Variants in SEL1L2 observed in about 807,000 individuals in gnomAD.
SEL1L2 encodes SEL1L2 adaptor subunit of SYVN1 ubiquitin ligase.
SEL1L2 carries 89 observed loss-of-function variants against 98.8 expected under a neutral mutation model. The observed-to-expected ratio is 0.90, with a 90% CI of 0.76 to 1.07. The LOEUF is 1.07. SEL1L2 is among the 50% of genes least tolerant of loss of function. SEL1L2 has a pLI of 0.00. For missense variants in SEL1L2, 788 were observed against 812.0 expected (o/e 0.97, Z 0.36); for synonymous variants, 262 against 278.5 (o/e 0.94, Z 0.59).
intron 1 of SEL1L2, among the ~76,000 whole-genome samples, chr20:13,974,431 T>C (rs1334571661): frequency 3.3e-5 from 5 of 151,038 alleles, no homozygotes; most frequent in African/African-American, 1.2e-4. Context: ...ACTGCTAGGC[T>C]GCTCCTACTG....
chr20:13,987,396 A>G (rs2052273501), intron 1 of SEL1L2, among the ~76,000 whole-genome samples: 1 of 147,172 alleles, frequency 6.8e-6, no homozygotes, highest in Non-Finnish European at 1.5e-5. Flanking sequence ...CCCAGGCTGG[A>G]GTGCAGTGGT....
chr20:13,964,104 G>C (rs1399940134), intron 1 of SEL1L2, among the ~76,000 whole-genome samples: 1 of 151,964 alleles, frequency 6.6e-6, no homozygotes, highest in African/African-American at 2.4e-5. Flanking sequence ...TTGAACTCCT[G>C]ACCTCATGAT....
At chr20:13,985,797 C>A (rs1042017357) in intron 1 of SEL1L2, among the ~76,000 whole-genome samples, 1 of 152,182 alleles carries the variant, frequency 6.6e-6, no homozygotes, top group Non-Finnish European at 1.5e-5. Flanking sequence ...ACCCCTTAGT[C>A]ATCATTCCCC....
chr20:13,859,539 G>A, intron 17 of SEL1L2, 105 bp from the exon 18 acceptor site: 1 of 982,674 alleles, frequency 1.0e-6, no homozygotes, highest in Admixed American at 2.7e-5. Context: ...AAATATATAT[G>A]TATCTATAGC....
At chr20:13,955,136 G>A (rs867606889) in intron 2 of SEL1L2, among the ~76,000 whole-genome samples, 1 of 152,090 alleles carries the variant, frequency 6.6e-6, no homozygotes, top group Non-Finnish European at 1.5e-5. Flanking sequence ...TAACAGCAAT[G>A]AACACCACAA....
chr20:13,862,926 G>A (rs1990406763), intron 17 of SEL1L2, among the ~76,000 whole-genome samples: 5 of 151,908 alleles, frequency 3.3e-5, no homozygotes, highest in African/African-American at 1.2e-4. Context: ...TGAACTATTG[G>A]TCTCAAGCAA....
intron 5 of SEL1L2, among the ~76,000 whole-genome samples, chr20:13,906,264 A>C (rs941683230): frequency 2.6e-5 from 4 of 152,218 alleles, no homozygotes; most frequent in Admixed American, 6.5e-5. Context: ...TAGAGTTCAG[A>C]GTTAAGTTCA....
chr20:13,981,404 A>T lies in SEL1L2; in HGVS notation c.58+9073T>A, dbSNP rs935531268. Among the ~76,000 whole-genome samples, 8 of 152,236 alleles carry T rather than the reference A, an allele frequency of 5.3e-5. No homozygotes were observed. The East Asian group carries it at 1.5e-3, about 29-fold the overall frequency. ...TTGCACAGCATGGTGACTATAGTTA[A>T]TAACGTATTCTGTATTTCAAAATTA... On this transcript the variant is annotated intron_variant, in intron 1 of 19. Transcript: ENST00000284951.
intron 5 of SEL1L2, among the ~76,000 whole-genome samples, chr20:13,911,966 C>T (rs2048223045): frequency 6.6e-6 from 1 of 152,102 alleles, no homozygotes; most frequent in South Asian, 2.1e-4. Context: ...TAAGTGTCTT[C>T]CCACATTATT....
intron 18 of SEL1L2, among the ~76,000 whole-genome samples, chr20:13,856,600 A>T (rs1022341103): frequency 1.3e-5 from 2 of 152,114 alleles, no homozygotes; most frequent in Non-Finnish European, 2.9e-5. Flanking sequence ...TGAGACAAGG[A>T]GCTCACTGGC....
At position 13,870,202 on chromosome 20, in the gene SEL1L2, C is replaced by G. The variant is rs569791808; in HGVS notation, c.1106G>C (p.Gly369Ala). 1 of 1,607,986 alleles carries G rather than the reference C, an allele frequency of 6.2e-7. No homozygotes were observed. The highest frequency in any genetic ancestry group is 8.5e-7 in the Non-Finnish European group (1 of 1,176,568). ...FKYFSMAASK[G>A]NAIGLHGLGL... ...AAGCCCATGAAGGCCGATTGCATTG[C>G]CCTAGAAGAGTTTTATAAAGCCAAG... is the stretch of plus-strand genomic sequence containing the variant. Residue 369 changes from glycine to alanine, a missense_variant and splice_region_variant, in exon 13 of 20, where the codon GGC (glycine) becomes GCC (alanine). Physicochemically the swap from Gly to Ala is moderately conservative, Grantham distance 60. Transcript: ENST00000284951.
At chr20:13,913,707 C>CA in intron 5 of SEL1L2, 75 bp downstream of exon 5, 1 of 1,307,500 alleles carries the variant, frequency 7.6e-7, no homozygotes, top group Non-Finnish European at 1.0e-6. Flanking sequence ...TACTATTGCT[C>CA]AACTCCTTTC....
At position 13,905,611 on chromosome 20, in the gene SEL1L2, G is replaced by T. The variant is rs190870566; in HGVS notation, c.549+8171C>A. ...TTACAGGTGTAAGCCACCATGCCTG[G>T]CCTGTCCTATACCTTAATACTTGAG... On this transcript the variant is annotated intron_variant, in intron 5 of 19. Coordinates refer to ENST00000284951, the MANE Select transcript of SEL1L2 (RefSeq NM_025229.2). Among the ~76,000 whole-genome samples the T allele has an allele frequency of 3.3e-3, 507 of 152,176 alleles. 4 individuals carry two copies. Among genetic ancestry groups the T allele is most frequent in the African/African-American group, 0.012 (490 of 41,516 alleles).
intron 3 of SEL1L2, among the ~76,000 whole-genome samples, chr20:13,929,257 A>AT (rs200591934): frequency 1.7e-3 from 258 of 147,860 alleles, no homozygotes; most frequent in African/African-American, 4.3e-3. Context: ...ATCTCCTACT[A>AT]TTTTTTTTTT....
chr20:13,887,825 T>A lies in SEL1L2; in HGVS notation c.689A>T (p.Asn230Ile). 1 of 1,613,510 alleles carries A rather than the reference T, an allele frequency of 6.2e-7. No individual in the cohort carries two copies. Among genetic ancestry groups the A allele is most frequent in the Non-Finnish European group, 8.5e-7 (1 of 1,179,594 alleles). ...ILGYRYLSGI[N>I]VLQNCEVALS... The stretch of plus-strand genomic sequence containing the variant: ...GGCAACTTCACAATTCTGTAGAACA[T>A]TGATTCCCGACAAATATCTGTACCC... The change falls in exon 8 of 20, where the codon AAT becomes ATT. Residue 230 changes from asparagine to isoleucine, a missense_variant. Coordinates refer to ENST00000284951, the MANE Select transcript of SEL1L2 (RefSeq NM_025229.2).
Position 13,956,138 on chromosome 20 carries a change from T to C in SEL1L2, c.59-7A>G, listed in dbSNP as rs747101343. The stretch of plus-strand genomic sequence containing the variant: ...TGTTCCTCTGCTTTGATAGCTGCAA[T>C]ACACAAAATTTTTTTATAAAATTTA... On this transcript the variant is annotated splice_polypyrimidine_tract_variant and splice_region_variant and intron_variant, in intron 1 of 19. Transcript: ENST00000284951. 4 of 1,451,222 alleles carry C rather than the reference T, an allele frequency of 2.8e-6. No individual in the cohort carries two copies. Among genetic ancestry groups the C allele is most frequent in the Middle Eastern group, 1.9e-4 (1 of 5,330 alleles). The allele number at this position is 1,451,222 out of a possible 1,614,324, so 89.9% of individuals were successfully genotyped here. A position where few individuals can be genotyped will look rare whatever the true frequency, so the allele number is the denominator to read the frequency against.
chr20:13,945,905 A>G (rs2049985247), intron 2 of SEL1L2, among the ~76,000 whole-genome samples: 1 of 152,210 alleles, frequency 6.6e-6, no homozygotes, highest in South Asian at 2.1e-4. Flanking sequence ...GATAAAAAGC[A>G]TTCAACAAAC....
chr20:13,885,363 A>C lies in SEL1L2; in HGVS notation c.941T>G (p.Leu314Arg). 6.2e-7 allele frequency: 1 copy of C among 1,605,020 alleles called. No homozygotes were observed. Among genetic ancestry groups the C allele is most frequent in the Non-Finnish European group, 8.5e-7 (1 of 1,171,716 alleles). ...GQLHLIGRKG[L>R]DQDYYKALHY... is the part of the protein sequence containing the mutation. ...TTGACTTACGTAGTAATCCTGATCT[A>C]GACCTTTCCTGCCAATTAGATGTAA... The change falls in exon 10 of 20, where the codon CTA (leucine) becomes CGA (arginine). Residue 314 changes from leucine to arginine, a missense_variant. Physicochemically the swap from Leu to Arg is moderately radical, Grantham distance 102. Transcript: ENST00000284951.
intron 3 of SEL1L2, among the ~76,000 whole-genome samples, chr20:13,926,067 C>A (rs1018881261): frequency 3.3e-5 from 5 of 152,192 alleles, no homozygotes; most frequent in African/African-American, 1.2e-4. Context: ...GCCTGTAATC[C>A]CAGCGCTTTG....
Sources: allele counts gnomAD v4.1 joint callset (sites outside exome capture counted in the v4.1 genomes callset), GRCh38; gene constraint gnomAD v4.1.1; transcripts MANE v1.5; gene names NCBI Gene and HGNC (gene_info 2026-07-23, HGNC 2026-07-21).